The following ANKS1B variants were observed in gnomAD, a reference collection of about 807,000 sequenced individuals.
ANKS1B encodes the protein ankyrin repeat and sterile alpha motif domain containing 1B.
ANKS1B carries 36 observed loss-of-function variants against 148.3 expected under a neutral mutation model. That is an observed-to-expected ratio of 0.24 (90% CI 0.19 to 0.32). ANKS1B has a LOEUF of 0.32. Among genes scored for constraint, ANKS1B ranks in the 10% least tolerant of loss-of-function variants. The pLI is 1.00. For missense variants in ANKS1B, 1,157 were observed against 1,542.6 expected (o/e 0.75, Z 4.19); for synonymous variants, 542 against 560.8 (o/e 0.97, Z 0.47).
At chr12:99,761,073 A>AAAC (rs2062059296) in intron 8 of ANKS1B, among the ~76,000 whole-genome samples, 1 of 146,286 alleles carries the variant, frequency 6.8e-6, no homozygotes, top group South Asian at 2.1e-4. Flanking sequence ...ACCAAAAAAA[A>AAAC]AAAAAAAAAA....
intron 10 of ANKS1B, among the ~76,000 whole-genome samples, chr12:99,488,885 C>A (rs940975588): frequency 6.6e-6 from 1 of 152,068 alleles, no homozygotes; most frequent in African/African-American, 2.4e-5. Context: ...GGAAGGATTG[C>A]TTTAACAAAA....
At chr12:98,766,406 G>T (rs999842180) in intron 25 of ANKS1B, among the ~76,000 whole-genome samples, 1 of 152,194 alleles carries the variant, frequency 6.6e-6, no homozygotes, top group Non-Finnish European at 1.5e-5. Flanking sequence ...GTTTCAGCTG[G>T]CTGGACAGGG....
In ANKS1B at chr12:99,964,094, A is replaced by C. The variant is rs538374576; in HGVS notation, c.134+20010T>G. Among the ~76,000 whole-genome samples, 4 of 152,322 alleles carry C rather than the reference A, an allele frequency of 2.6e-5. No individual in the cohort carries two copies. The South Asian group carries it at 8.3e-4, about 32-fold the overall frequency. On this transcript the variant is annotated intron_variant, in intron 1 of 26. Coordinates refer to ENST00000683438, the MANE Select transcript of ANKS1B (RefSeq NM_001352186.2). ...AAAGATTTTCTGTCTCTCATTCTGG[A>C]GGCCTACTACATGTCCACAACACTA... is the stretch of plus-strand genomic sequence containing the variant.
chr12:99,101,649 C>G (rs550561857), intron 15 of ANKS1B, among the ~76,000 whole-genome samples: 1 of 152,272 alleles, frequency 6.6e-6, no homozygotes, highest in East Asian at 1.9e-4. Flanking sequence ...GCAACCTCCA[C>G]CTCCCGGGTT....
intron 15 of ANKS1B, among the ~76,000 whole-genome samples, chr12:99,144,329 G>T (rs2072169774): frequency 6.6e-6 from 1 of 151,418 alleles, no homozygotes; most frequent in Admixed American, 6.6e-5. Context: ...TCCTGGTTCT[G>T]GTGTTGCCAG....
intron 14 of ANKS1B, among the ~76,000 whole-genome samples, chr12:99,179,214 G>A (rs1292913032): frequency 6.6e-6 from 1 of 151,820 alleles, no homozygotes; most frequent in Non-Finnish European, 1.5e-5. Flanking sequence ...GGATCACGAG[G>A]TCAGGAGATT....
At chr12:99,691,073 T>C (rs2098676735) in intron 8 of ANKS1B, among the ~76,000 whole-genome samples, 1 of 152,252 alleles carries the variant, frequency 6.6e-6, no homozygotes, top group Non-Finnish European at 1.5e-5. Context: ...GGCTTGGGGC[T>C]TGCACCCTCT....
intron 11 of ANKS1B, among the ~76,000 whole-genome samples, chr12:99,432,932 GCTTCTTTA>G (rs1455030928): frequency 6.6e-6 from 1 of 152,158 alleles, no homozygotes; most frequent in African/African-American, 2.4e-5. Context: ...TGGATGTCAT[GCTTCTTTA>G]CTTTCAGTGA....
At chr12:99,786,717 T>C (rs1335921943) in intron 4 of ANKS1B, among the ~76,000 whole-genome samples, 26 of 152,102 alleles carry the variant, frequency 1.7e-4, no homozygotes, top group Admixed American at 1.7e-3. Flanking sequence ...CAGGCAGATA[T>C]AAATGCTTAG....
intron 17 of ANKS1B, among the ~76,000 whole-genome samples, chr12:98,847,531 T>C (rs2099487378): frequency 6.6e-6 from 1 of 152,052 alleles, no homozygotes; most frequent in Admixed American, 6.5e-5. Context: ...ATTGATTCCT[T>C]GTCTTAGGAC....
chr12:99,342,747 C>G (rs1450574859), intron 12 of ANKS1B, among the ~76,000 whole-genome samples: 1 of 151,882 alleles, frequency 6.6e-6, no homozygotes, highest in African/African-American at 2.4e-5. Flanking sequence ...TAGAATGGAC[C>G]CATTTGTCTA....
intron 11 of ANKS1B, among the ~76,000 whole-genome samples, chr12:99,424,819 G>A (rs1398476066): frequency 6.6e-6 from 1 of 151,902 alleles, no homozygotes; most frequent in Non-Finnish European, 1.5e-5. Flanking sequence ...TTAACAGGCA[G>A]ACAAGATGAA....
intron 10 of ANKS1B, among the ~76,000 whole-genome samples, chr12:99,459,361 C>T (rs938099679): frequency 6.6e-6 from 1 of 152,004 alleles, no homozygotes. Flanking sequence ...GACAAGGATG[C>T]CCACTTTCAC....
chr12:99,786,947 A>C (rs2153638948), intron 4 of ANKS1B, among the ~76,000 whole-genome samples: 1 of 152,344 alleles, frequency 6.6e-6, no homozygotes, highest in South Asian at 2.1e-4. Context: ...AGAATATAAT[A>C]CATATGTGAT....
At chr12:99,228,540 T>A (rs2086321660) in intron 14 of ANKS1B, among the ~76,000 whole-genome samples, 1 of 150,854 alleles carries the variant, frequency 6.6e-6, no homozygotes, top group Non-Finnish European at 1.5e-5. Context: ...AAAAAAGGAG[T>A]AAGAAAAAAG....
chr12:98,828,147 T>C (rs1342460076), intron 19 of ANKS1B, among the ~76,000 whole-genome samples: 1 of 152,086 alleles, frequency 6.6e-6, no homozygotes, highest in East Asian at 1.9e-4. Context: ...CAGAGAACAA[T>C]TCAAAATTAA....
intron 12 of ANKS1B, among the ~76,000 whole-genome samples, chr12:99,276,978 T>C: frequency 6.6e-6 from 1 of 152,180 alleles, no homozygotes; most frequent in Non-Finnish European, 1.5e-5. Flanking sequence ...TGAAGTCACC[T>C]AACTTACGTC....
chr12:98,803,769 A>G (rs1204109426), intron 20 of ANKS1B, among the ~76,000 whole-genome samples: 4 of 152,226 alleles, frequency 2.6e-5, no homozygotes, highest in African/African-American at 9.6e-5. Context: ...GTGTTAGTAC[A>G]TTAAGCATGC....
At chr12:99,770,620 G>A (rs2063104155) in intron 8 of ANKS1B, among the ~76,000 whole-genome samples, 1 of 151,768 alleles carries the variant, frequency 6.6e-6, no homozygotes, top group Non-Finnish European at 1.5e-5. Context: ...TCTTCTGAAA[G>A]GTCAGTTCCA....
Sources: allele counts gnomAD v4.1 joint callset (sites outside exome capture counted in the v4.1 genomes callset), GRCh38; gene constraint gnomAD v4.1.1; transcripts MANE v1.5; gene names NCBI Gene and HGNC (gene_info 2026-07-23, HGNC 2026-07-21).